WWOX: variants seen among roughly 807,000 people sequenced by gnomAD.
The protein encoded by WWOX is WW domain containing oxidoreductase.
Under a neutral mutation model 46.2 loss-of-function variants are expected in WWOX, and 69 were observed. The observed-to-expected ratio is 1.49, with a 90% CI of 1.23 to 1.82. The LOEUF is 1.82. WWOX is among the 40% of genes most tolerant of loss of function. The pLI, the probability that WWOX is intolerant of heterozygous loss-of-function variation, is 0.00. For missense variants in WWOX, 919 were observed against 542.6 expected, an observed-to-expected ratio of 1.69 and a Z score of -6.89; for synonymous variants, 359 against 202.6, an observed-to-expected ratio of 1.77 and a Z score of -6.56.
At chr16:78,720,897 G>T (rs2048673805) in intron 8 of WWOX, among the ~76,000 whole-genome samples, 1 of 152,108 alleles carries the variant, frequency 6.6e-6, no homozygotes, top group Non-Finnish European at 1.5e-5. Context: ...CTAACTAAAA[G>T]ATAAGTTCCT....
At chr16:78,893,927 G>A (rs575426584) in intron 8 of WWOX, among the ~76,000 whole-genome samples, 5 of 152,044 alleles carry the variant, frequency 3.3e-5, no homozygotes, top group Non-Finnish European at 7.4e-5. Context: ...TTCCTTGACA[G>A]ATTTGTTACC....
intron 5 of WWOX, among the ~76,000 whole-genome samples, chr16:78,238,744 C>G (rs146663489): frequency 6.6e-6 from 1 of 151,844 alleles, no homozygotes; most frequent in African/African-American, 2.4e-5. Context: ...CGCAGCCTCC[C>G]GAGTAGCTGG....
intron 8 of WWOX, among the ~76,000 whole-genome samples, chr16:79,042,383 G>A (rs1454332465): frequency 6.6e-6 from 1 of 152,140 alleles, no homozygotes; most frequent in Non-Finnish European, 1.5e-5. Context: ...TGGGTTTCTT[G>A]CCTGATCAAT....
intron 8 of WWOX, among the ~76,000 whole-genome samples, chr16:78,996,755 A>G (rs778868560): frequency 1.3e-5 from 2 of 152,114 alleles, no homozygotes; most frequent in African/African-American, 2.4e-5. Flanking sequence ...AATTCTCCCA[A>G]CTGTTCCCTT....
At chr16:78,865,532 C>G (rs1009473060) in intron 8 of WWOX, among the ~76,000 whole-genome samples, 1 of 152,220 alleles carries the variant, frequency 6.6e-6, no homozygotes, top group African/African-American at 2.4e-5. Context: ...ATTTATAATT[C>G]CTTAGATTGC....
At chr16:78,274,097 A>G (rs536896197) in intron 5 of WWOX, among the ~76,000 whole-genome samples, 1 of 152,264 alleles carries the variant, frequency 6.6e-6, no homozygotes, top group East Asian at 1.9e-4. Flanking sequence ...AGATTCTCCC[A>G]GTATACCCTA....
chr16:79,012,504 G>T (rs563303887), intron 8 of WWOX, among the ~76,000 whole-genome samples: 2 of 152,016 alleles, frequency 1.3e-5, no homozygotes, highest in Non-Finnish European at 2.9e-5. Flanking sequence ...TAAAGTACTG[G>T]GATTACAGAC....
intron 8 of WWOX, among the ~76,000 whole-genome samples, chr16:78,472,884 A>G (rs994940767): frequency 2.0e-5 from 3 of 151,984 alleles, no homozygotes; most frequent in Non-Finnish European, 4.4e-5. Context: ...TCTTAGATCA[A>G]GATGGGATTA....
At chr16:78,616,285 A>G (rs577964649) in intron 8 of WWOX, among the ~76,000 whole-genome samples, 1 of 152,272 alleles carries the variant, frequency 6.6e-6, no homozygotes, top group East Asian at 1.9e-4. Flanking sequence ...CTATAACAAA[A>G]TGCCATGGAC....
intron 8 of WWOX, among the ~76,000 whole-genome samples, chr16:78,712,297 A>G (rs1422569892): frequency 1.3e-5 from 2 of 152,046 alleles, no homozygotes; most frequent in African/African-American, 4.8e-5. Context: ...AGGTCAAGAG[A>G]TCGAAACCAT....
At chr16:78,314,582 T>A (rs1185116230) in intron 5 of WWOX, among the ~76,000 whole-genome samples, 3 of 144,850 alleles carry the variant, frequency 2.1e-5, no homozygotes, top group African/African-American at 7.7e-5. Context: ...TGGAGTGTAA[T>A]GGCGTGATAC....
At chr16:78,671,993 A>G (rs2047475835) in intron 8 of WWOX, among the ~76,000 whole-genome samples, 1 of 152,140 alleles carries the variant, frequency 6.6e-6, no homozygotes, top group Non-Finnish European at 1.5e-5. Flanking sequence ...CTACTACGCA[A>G]AAGCAGGAAC....
Position 78,541,715 on chromosome 16 carries a change from C to G in WWOX, c.1056+108963C>G, listed in dbSNP as rs190541853. 3.6e-4 allele frequency among the ~76,000 whole-genome samples: 55 copies of G among 151,888 alleles called. No individual in the cohort carries two copies. The East Asian group carries it at 9.2e-3, about 25-fold the overall frequency. On this transcript the variant is annotated intron_variant, in intron 8 of 8. Transcript: ENST00000566780. ...TTTAGCCTTTGTTCCCCTCCAGGTC[C>G]TTATCTGTAAGGTGGCAGTTACAAT...
intron 8 of WWOX, among the ~76,000 whole-genome samples, chr16:79,097,037 C>A (rs2049090388): frequency 6.6e-6 from 1 of 151,946 alleles, no homozygotes; most frequent in Admixed American, 6.6e-5. Context: ...ATAGAAGGAT[C>A]TCTTCATTTA....
intron 8 of WWOX, among the ~76,000 whole-genome samples, chr16:78,484,218 C>T (rs992047836): frequency 1.0e-4 from 15 of 143,450 alleles, no homozygotes; most frequent in African/African-American, 4.1e-4. Context: ...GCAAAATTTG[C>T]AGTAATACTT....
At chr16:78,716,360 C>A (rs556120169) in intron 8 of WWOX, among the ~76,000 whole-genome samples, 1 of 152,236 alleles carries the variant, frequency 6.6e-6, no homozygotes, top group East Asian at 1.9e-4. Context: ...CTTCTGGGTT[C>A]CGCAACTGCA....
At chr16:79,037,220 T>C (rs993681329) in intron 8 of WWOX, among the ~76,000 whole-genome samples, 2 of 152,150 alleles carry the variant, frequency 1.3e-5, no homozygotes, top group African/African-American at 2.4e-5. Context: ...CAACAGTAAT[T>C]CATTTGTTCG....
At position 78,179,994 on chromosome 16, in the gene WWOX, T is replaced by C. The variant is rs534983747; in HGVS notation, c.516+15705T>C. ...GGGGACAGATCGGCTGGTTAGTTTT[T>C]GGAAAGCAGACCAGCAGAAGTTGCA... is the stretch of plus-strand genomic sequence containing the variant. On this transcript the variant is annotated intron_variant, in intron 5 of 8. Coordinates refer to ENST00000566780, the MANE Select transcript of WWOX (RefSeq NM_016373.4). Among the ~76,000 whole-genome samples the C allele has an allele frequency of 1.4e-4, 22 of 152,330 alleles. No individual in the cohort carries two copies. In the South Asian group the frequency reaches 4.6e-3, roughly 32 times the overall value.
intron 8 of WWOX, chr16:78,506,471 A>G (rs1030686450): frequency 6.6e-6 from 1 of 152,176 alleles, no homozygotes; most frequent in African/African-American, 2.4e-5. Context: ...AGAGTCTCCA[A>G]GACTGCCTCC....
Sources: allele counts gnomAD v4.1 joint callset (sites outside exome capture counted in the v4.1 genomes callset), GRCh38; gene constraint gnomAD v4.1.1; transcripts MANE v1.5; gene names NCBI Gene and HGNC (gene_info 2026-07-23, HGNC 2026-07-21).